RSU1: variants seen among roughly 807,000 people sequenced by gnomAD.
RSU1 encodes rsu-1.
Under a neutral mutation model 31.1 loss-of-function variants are expected in RSU1, and 26 were observed. The observed-to-expected ratio is 0.84, with a 90% CI of 0.61 to 1.16. RSU1 has a LOEUF of 1.16. RSU1 is among the 50% of genes most tolerant of loss of function. RSU1 has a pLI of 0.00. For missense variants in RSU1, 320 were observed against 339.1 expected (o/e 0.94, Z 0.44); for synonymous variants, 164 against 136.3 (o/e 1.20, Z -1.41).
In RSU1 at chr10:16,744,300, A is replaced by G. The variant is rs1205587506; in HGVS notation, c.598+8239T>C. On this transcript the variant is annotated intron_variant, in intron 7 of 8. Coordinates refer to ENST00000345264, the MANE Select transcript of RSU1 (RefSeq NM_012425.4). Reference sequence around the variant, plus strand: ...CATGAAATAAATTACTAATATGTAGACAAGTGACAAATGCATTATAGTGTA... The same window carrying G: ...CATGAAATAAATTACTAATATGTAGGCAAGTGACAAATGCATTATAGTGTA... Among the ~76,000 whole-genome samples, 3 of 152,334 alleles carry G rather than the reference A, an allele frequency of 2.0e-5. 1 individual carries two copies. Among genetic ancestry groups the G allele is most frequent in the Admixed American group, 1.3e-4 (2 of 15,292 alleles).
At chr10:16,702,673 T>A (rs909820094) in intron 7 of RSU1, among the ~76,000 whole-genome samples, 1 of 152,186 alleles carries the variant, frequency 6.6e-6, no homozygotes, top group African/African-American at 2.4e-5. Flanking sequence ...CTCCACTCTA[T>A]CTTGAAAGTA....
At chr10:16,606,804 G>A (rs1252219651) in intron 8 of RSU1, among the ~76,000 whole-genome samples, 2 of 152,176 alleles carry the variant, frequency 1.3e-5, no homozygotes, top group African/African-American at 4.8e-5. Context: ...CTTGTTTTAC[G>A]ATAAGGACAA....
At chr10:16,723,526 AT>A (rs1214601339) in intron 7 of RSU1, among the ~76,000 whole-genome samples, 1 of 152,158 alleles carries the variant, frequency 6.6e-6, no homozygotes, top group African/African-American at 2.4e-5. Flanking sequence ...GATGAATGAG[AT>A]TAAGCTCATA....
intron 8 of RSU1, among the ~76,000 whole-genome samples, chr10:16,593,755 T>C (rs73599190): frequency 0.024 from 3,672 of 152,356 alleles, 158 homozygotes; most frequent in African/African-American, 0.084. Context: ...GGTCAGGCCC[T>C]GCTCAGCCGT....
intron 8 of RSU1, among the ~76,000 whole-genome samples, chr10:16,671,970 G>A (rs1219178527): frequency 6.6e-6 from 1 of 150,620 alleles, no homozygotes; most frequent in Non-Finnish European, 1.5e-5. Flanking sequence ...AGATAATCCA[G>A]GATTATCTTA....
chr10:16,782,577 C>G (rs1439662031), intron 2 of RSU1, among the ~76,000 whole-genome samples: 1 of 152,154 alleles, frequency 6.6e-6, no homozygotes, highest in Admixed American at 6.5e-5. Flanking sequence ...CGTGCCCATC[C>G]AGAAATTCTC....
intron 4 of RSU1, among the ~76,000 whole-genome samples, chr10:16,764,087 C>A (rs1837262594): frequency 6.6e-6 from 1 of 152,112 alleles, no homozygotes; most frequent in Non-Finnish European, 1.5e-5. Flanking sequence ...TCATGCTATG[C>A]AAATAAGTCC....
intron 8 of RSU1, among the ~76,000 whole-genome samples, chr10:16,632,833 T>C (rs1206867190): frequency 6.6e-6 from 1 of 151,898 alleles, no homozygotes; most frequent in Non-Finnish European, 1.5e-5. Context: ...ACGTCCTACC[T>C]CCTAGGGAGG....
chr10:16,800,012 T>C (rs1331069288), intron 2 of RSU1, among the ~76,000 whole-genome samples: 2 of 151,968 alleles, frequency 1.3e-5, no homozygotes, highest in African/African-American at 4.8e-5. Context: ...AGTTCAAGGC[T>C]CACACAGTAT....
intron 7 of RSU1, among the ~76,000 whole-genome samples, chr10:16,751,470 T>C (rs1836979282): frequency 6.6e-6 from 1 of 152,310 alleles, no homozygotes; most frequent in African/African-American, 2.4e-5. Context: ...AAGGTGCTGA[T>C]AGGCGTGCTC....
intron 8 of RSU1, among the ~76,000 whole-genome samples, chr10:16,603,262 G>C (rs1331354982): frequency 6.6e-6 from 1 of 152,130 alleles, no homozygotes; most frequent in Non-Finnish European, 1.5e-5. Context: ...TGAAAAATAG[G>C]CTATAATATA....
intron 2 of RSU1, among the ~76,000 whole-genome samples, chr10:16,806,847 A>C (rs114340626): frequency 0.035 from 5,264 of 152,262 alleles, 199 homozygotes; most frequent in African/African-American, 0.1. Flanking sequence ...TCTACCTCCC[A>C]GGTTCAAGTG....
chr10:16,805,393 C>T (rs1472133417), intron 2 of RSU1, among the ~76,000 whole-genome samples: 5 of 151,924 alleles, frequency 3.3e-5, no homozygotes, highest in Non-Finnish European at 4.4e-5. Flanking sequence ...TTTTTTTGGC[C>T]GGGAGCGGTG....
intron 7 of RSU1, among the ~76,000 whole-genome samples, chr10:16,741,129 T>G (rs923236631): frequency 5.9e-5 from 9 of 152,138 alleles, no homozygotes; most frequent in African/African-American, 1.9e-4. Flanking sequence ...ATAAGTGAAA[T>G]AGCATTGAAA....
chr10:16,797,599 C>T (rs1379794850), intron 2 of RSU1, among the ~76,000 whole-genome samples: 1 of 151,978 alleles, frequency 6.6e-6, no homozygotes, highest in Non-Finnish European at 1.5e-5. Context: ...CAAAAAGATG[C>T]CCAGAACACA....
intron 8 of RSU1, among the ~76,000 whole-genome samples, chr10:16,637,910 ACT>A (rs1247469172): frequency 6.6e-6 from 1 of 152,028 alleles, no homozygotes; most frequent in Non-Finnish European, 1.5e-5. Context: ...GCATCCCTAG[ACT>A]CTGAACAATT....
chr10:16,641,301 G>A (rs1487633786), intron 8 of RSU1, among the ~76,000 whole-genome samples: 3 of 152,002 alleles, frequency 2.0e-5, no homozygotes, highest in Admixed American at 2.0e-4. Context: ...TTTCAGCCTG[G>A]CCAACATGGT....
At chr10:16,786,039 A>C (rs979273173) in intron 2 of RSU1, among the ~76,000 whole-genome samples, 3 of 152,094 alleles carry the variant, frequency 2.0e-5, no homozygotes, top group Non-Finnish European at 4.4e-5. Context: ...GCCACTAGAA[A>C]ATCTAAAATT....
intron 7 of RSU1, among the ~76,000 whole-genome samples, chr10:16,705,249 C>T (rs998924941): frequency 2.6e-5 from 4 of 152,142 alleles, no homozygotes; most frequent in Non-Finnish European, 5.9e-5. Context: ...AGTCATCTCT[C>T]AGTATCCATG....
Sources: gnomAD v4.1 joint callset for allele counts (sites outside exome capture counted in the v4.1 genomes callset) on GRCh38, gnomAD v4.1.1 for gene constraint, MANE v1.5 for transcripts, NCBI Gene and HGNC (gene_info 2026-07-23, HGNC 2026-07-21) for gene names.